Variants in CCDC91 observed in about 807,000 individuals in gnomAD.
CCDC91 encodes coiled-coil domain containing 91.
Under a neutral mutation model 63.2 loss-of-function variants are expected in CCDC91, and 48 were observed. The ratio of observed to expected loss-of-function variants is 0.76; its 90% confidence interval spans 0.60 to 0.97. The LOEUF is 0.97. Ranked by LOEUF, CCDC91 falls within the 50% of genes least tolerant of loss-of-function variation. CCDC91 has a pLI of 0.00. For missense variants in CCDC91, 500 were observed against 494.6 expected (o/e 1.01, Z -0.10); for synonymous variants, 167 against 165.8 (o/e 1.01, Z -0.06).
At position 28,211,366 on chromosome 12, in the gene CCDC91, C is replaced by A. The variant is rs1943221309; in HGVS notation, c.-15+20725C>A. On this transcript the variant is annotated intron_variant, in intron 1 of 12. Transcript: ENST00000536442. The stretch of plus-strand genomic sequence containing the variant: ...CAACACAAAGGAAAATTATCTTTTT[C>A]CATTCTGGCCAGTGCAAAATACGTG... 2.0e-5 allele frequency among the ~76,000 whole-genome samples: 3 copies of A among 152,062 alleles called. 1 individual carries two copies. In the South Asian group the frequency reaches 6.2e-4, roughly 32 times the overall value.
chr12:28,273,536 C>G (rs1947945630), intron 3 of CCDC91, among the ~76,000 whole-genome samples: 1 of 152,138 alleles, frequency 6.6e-6, no homozygotes, highest in Non-Finnish European at 1.5e-5. Context: ...GCCATTCTAA[C>G]TGGTGTGAGA....
At chr12:28,316,556 C>CTTTTTTTTTTTTTTTT (rs67889099) in intron 6 of CCDC91, among the ~76,000 whole-genome samples, 1 of 28,446 alleles carries the variant, frequency 3.5e-5, no homozygotes, top group African/African-American at 1.4e-4. Flanking sequence ...CAACTCACAC[C>CTTTTTTTTTTTTTTTT]TTTTTTTTTT....
intron 7 of CCDC91, among the ~76,000 whole-genome samples, chr12:28,383,453 C>G (rs1945414366): frequency 6.6e-6 from 1 of 152,102 alleles, no homozygotes; most frequent in African/African-American, 2.4e-5. Flanking sequence ...TTGTTTGTTT[C>G]TTAATTCAGC....
At chr12:28,447,544 A>G (rs914490084) in intron 8 of CCDC91, among the ~76,000 whole-genome samples, 10 of 150,842 alleles carry the variant, frequency 6.6e-5, no homozygotes, top group African/African-American at 2.0e-4. Context: ...CAAATTATCT[A>G]TGTTTAATTT....
intron 8 of CCDC91, among the ~76,000 whole-genome samples, chr12:28,392,064 A>G (rs528700567): frequency 6.8e-4 from 104 of 152,330 alleles, no homozygotes; most frequent in Non-Finnish European, 1.3e-3. Flanking sequence ...TAAAATTAGG[A>G]GTAGAATTTA....
At chr12:28,349,759 C>G (rs1166980834) in intron 6 of CCDC91, among the ~76,000 whole-genome samples, 1 of 152,124 alleles carries the variant, frequency 6.6e-6, no homozygotes, top group Non-Finnish European at 1.5e-5. Flanking sequence ...TCTGGTACTC[C>G]TGCCCTCATC....
intron 1 of CCDC91, among the ~76,000 whole-genome samples, chr12:28,228,095 G>A (rs1207125470): frequency 1.3e-5 from 2 of 151,946 alleles, no homozygotes; most frequent in Non-Finnish European, 1.5e-5. Flanking sequence ...CACCTATCTA[G>A]TAACTTCATT....
chr12:28,497,539 A>G (rs928670793), intron 12 of CCDC91, among the ~76,000 whole-genome samples: 1 of 151,588 alleles, frequency 6.6e-6, no homozygotes, highest in African/African-American at 2.4e-5. Flanking sequence ...ACCCATTTGA[A>G]TCTTTTCCAG....
chr12:28,477,632 G>C (rs1951180821), intron 11 of CCDC91, among the ~76,000 whole-genome samples: 1 of 152,066 alleles, frequency 6.6e-6, no homozygotes, highest in Admixed American at 6.6e-5. Context: ...TCAGGCAGGA[G>C]AAAGAAAGGG....
chr12:28,541,326 A>C (rs1565547297), intron 12 of CCDC91, among the ~76,000 whole-genome samples: 50 of 151,722 alleles, frequency 3.3e-4, no homozygotes, highest in Middle Eastern at 3.4e-3. Flanking sequence ...TGTGCAAAGA[A>C]AAGAATAAGA....
chr12:28,235,196 C>G (rs1944860800), intron 1 of CCDC91, among the ~76,000 whole-genome samples: 1 of 152,048 alleles, frequency 6.6e-6, no homozygotes, highest in Non-Finnish European at 1.5e-5. Context: ...TGGCACATAT[C>G]TCACCCATGC....
chr12:28,524,257 G>A (rs1183620086), intron 12 of CCDC91, among the ~76,000 whole-genome samples: 4 of 152,152 alleles, frequency 2.6e-5, no homozygotes, highest in African/African-American at 9.7e-5. Context: ...TTGGCTGTGG[G>A]TTTGTCATAA....
chr12:28,450,327 C>G (rs80249588), intron 9 of CCDC91, 23 bp from the exon 10 acceptor site: 1 of 1,604,472 alleles, frequency 6.2e-7, no homozygotes, highest in African/African-American at 1.3e-5. Context: ...TAATGTCTTT[C>G]CAACTGTTTT....
At chr12:28,284,985 C>T (rs1171388624) in intron 3 of CCDC91, among the ~76,000 whole-genome samples, 2 of 152,092 alleles carry the variant, frequency 1.3e-5, no homozygotes, top group Non-Finnish European at 2.9e-5. Flanking sequence ...ATTCTCTAAA[C>T]GGAATTCTAG....
rs530652061 is a variant in CCDC91 at position 28,531,250 on chromosome 12, G to A, written c.1216-17813G>A. Among the ~76,000 whole-genome samples, 15 of 152,194 alleles carry A rather than the reference G, an allele frequency of 9.9e-5. No individual in the cohort carries two copies. The East Asian group carries it at 1.9e-3, about 20-fold the overall frequency. On this transcript the variant is annotated intron_variant, in intron 12 of 12. Coordinates refer to ENST00000536442, the MANE Select transcript of CCDC91 (RefSeq NM_018318.5). ...CGTGAAGAAATAATTAGGTGAGAGC[G>A]CTCAGTACTTTAAATAGATCTAACA...
At chr12:28,420,829 A>G (rs1039514673) in intron 8 of CCDC91, among the ~76,000 whole-genome samples, 2 of 151,866 alleles carry the variant, frequency 1.3e-5, no homozygotes, top group Admixed American at 6.6e-5. Flanking sequence ...TTTATTTTCA[A>G]TATCTGACAT....
intron 1 of CCDC91, among the ~76,000 whole-genome samples, chr12:28,207,979 A>C (rs1339581578): frequency 6.6e-6 from 1 of 152,242 alleles, no homozygotes; most frequent in African/African-American, 2.4e-5. Context: ...CTCATTTAGC[A>C]TGAAAATCTG....
intron 1 of CCDC91, among the ~76,000 whole-genome samples, chr12:28,198,465 G>A (rs141546696): frequency 1.1e-3 from 167 of 152,266 alleles, no homozygotes; most frequent in African/African-American, 3.8e-3. Flanking sequence ...TTAAAATTAG[G>A]TTAGACCTTT....
intron 12 of CCDC91, among the ~76,000 whole-genome samples, chr12:28,513,631 C>CAT (rs1939617099): frequency 6.6e-6 from 1 of 151,846 alleles, no homozygotes; most frequent in South Asian, 2.1e-4. Context: ...TAATTGTACT[C>CAT]ATATGCATGA....
Sources: gnomAD v4.1 joint callset for allele counts (sites outside exome capture counted in the v4.1 genomes callset) on GRCh38, gnomAD v4.1.1 for gene constraint, MANE v1.5 for transcripts, NCBI Gene and HGNC (gene_info 2026-07-23, HGNC 2026-07-21) for gene names.